KCNMA1: variants seen among roughly 807,000 people sequenced by gnomAD.
KCNMA1 encodes potassium calcium-activated channel subfamily M alpha 1.
KCNMA1 carries 29 observed loss-of-function variants against 140.0 expected under a neutral mutation model. That is an observed-to-expected ratio of 0.21 (90% CI 0.15 to 0.28). The LOEUF (loss-of-function observed/expected upper bound fraction) is 0.28. KCNMA1 is among the 10% of genes least tolerant of loss of function. KCNMA1 has a pLI of 1.00. For missense variants in KCNMA1, 880 were observed against 1,602.2 expected, an observed-to-expected ratio of 0.55 and a Z score of 7.70; for synonymous variants, 612 against 611.9, an observed-to-expected ratio of 1.00 and a Z score of 0.00.
At chr10:76,956,423 G>T (rs1254160440) in intron 20 of KCNMA1, among the ~76,000 whole-genome samples, 1 of 152,008 alleles carries the variant, frequency 6.6e-6, no homozygotes, top group Non-Finnish European at 1.5e-5. Context: ...TCCTGGCCTG[G>T]ACCATTTAAA....
intron 2 of KCNMA1, among the ~76,000 whole-genome samples, chr10:77,308,125 AAG>A (rs1236512346): frequency 6.6e-6 from 1 of 152,194 alleles, no homozygotes; most frequent in African/African-American, 2.4e-5. Flanking sequence ...CTGGGCCCAG[AAG>A]AGAGGAAAAT....
intron 12 of KCNMA1, among the ~76,000 whole-genome samples, chr10:77,081,260 A>ATTT (rs2096558569): frequency 6.6e-6 from 1 of 152,194 alleles, no homozygotes; most frequent in African/African-American, 2.4e-5. Flanking sequence ...GAGCAACAGT[A>ATTT]CCTGCTTTAT....
At chr10:77,608,767 T>C (rs139683931) in intron 1 of KCNMA1, among the ~76,000 whole-genome samples, 1 of 152,308 alleles carries the variant, frequency 6.6e-6, no homozygotes, top group Non-Finnish European at 1.5e-5. Context: ...TTAACATCTC[T>C]ATCAAAAAGA....
intron 12 of KCNMA1, among the ~76,000 whole-genome samples, chr10:77,080,977 G>C (rs2096550291): frequency 6.6e-6 from 1 of 152,110 alleles, no homozygotes; most frequent in Admixed American, 6.5e-5. Context: ...CTTAAACGCT[G>C]GTTAAAAATA....
At chr10:77,462,368 C>T (rs1426015110) in intron 1 of KCNMA1, among the ~76,000 whole-genome samples, 1 of 152,226 alleles carries the variant, frequency 6.6e-6, no homozygotes, top group South Asian at 2.1e-4. Flanking sequence ...TACATGTGCA[C>T]ACACACACTT....
In KCNMA1 at chr10:77,251,190, C is replaced by T; in HGVS notation, c.602+5G>A. 1 of 1,597,802 alleles carries T rather than the reference C, an allele frequency of 6.3e-7. No homozygotes were observed. Among genetic ancestry groups the T allele is most frequent in the Non-Finnish European group, 8.6e-7 (1 of 1,165,328 alleles). ...GAGGGCAAGAAAGTATATTTGAATA[C>T]TCACTTTGATGAATCTATGAAGTAT... On this transcript the variant is annotated splice_donor_5th_base_variant and intron_variant, in intron 3 of 27. Coordinates refer to ENST00000286628, the MANE Select transcript of KCNMA1 (RefSeq NM_001161352.2).
chr10:76,955,922 C>T lies in KCNMA1; in HGVS notation c.2361-1998G>A, dbSNP rs142974341. Among the ~76,000 whole-genome samples, 6 of 152,184 alleles carry T rather than the reference C, an allele frequency of 3.9e-5. No homozygotes were observed. The East Asian group carries it at 9.7e-4, about 25-fold the overall frequency. On this transcript the variant is annotated intron_variant, in intron 20 of 27. Transcript: ENST00000286628. ...GCAGACTTGCCCTGAAGATATAGAG[C>T]CAGGTTCAAATTCTCTTGCCCTGTT...
chr10:77,465,883 G>A lies in KCNMA1; in HGVS notation c.379-61860C>T, dbSNP rs372425854. Reference sequence around the variant, plus strand: ...GTCTAGATGTGTGACGCTTCCCGGGGCTGGGCAGTCCACAACCTGCCTCAG... The same window carrying A: ...GTCTAGATGTGTGACGCTTCCCGGGACTGGGCAGTCCACAACCTGCCTCAG... On this transcript the variant is annotated intron_variant, in intron 1 of 27. Transcript: ENST00000286628. Among the ~76,000 whole-genome samples, 8 of 152,172 alleles carry A rather than the reference G, an allele frequency of 5.3e-5. No homozygotes were observed. The East Asian group carries it at 9.6e-4, about 18-fold the overall frequency.
Position 76,945,585 on chromosome 10 carries a change from A to G in KCNMA1, c.2710-620T>C, listed in dbSNP as rs140345202. Among the ~76,000 whole-genome samples the G allele has an allele frequency of 1.3e-3, 196 of 152,288 alleles. 2 individuals carry two copies. The highest frequency in any genetic ancestry group is 4.3e-3 in the African/African-American group (178 of 41,566). On this transcript the variant is annotated intron_variant, in intron 22 of 27. Transcript: ENST00000286628. ...TTCAGATCATATAATTTTATTGCAT[A>G]TTTTCAGCAAGAAAAAAATACACAG...
At chr10:77,277,646 C>T (rs1006966502) in intron 2 of KCNMA1, among the ~76,000 whole-genome samples, 5 of 152,216 alleles carry the variant, frequency 3.3e-5, no homozygotes, top group African/African-American at 1.2e-4. Context: ...AATCACCAAT[C>T]ACTTCTCCAT....
chr10:77,472,871 G>T (rs560391064), intron 1 of KCNMA1, among the ~76,000 whole-genome samples: 107 of 152,318 alleles, frequency 7.0e-4, no homozygotes, highest in African/African-American at 2.5e-3. Flanking sequence ...GAAGACATTA[G>T]CTCAAGGGCT....
chr10:76,915,866 C>T (rs1173564809), intron 23 of KCNMA1, among the ~76,000 whole-genome samples: 1 of 151,928 alleles, frequency 6.6e-6, no homozygotes, highest in Non-Finnish European at 1.5e-5. Flanking sequence ...GCCTGTAGTG[C>T]CAGGAACTGA....
At chr10:77,456,358 T>C (rs937860198) in intron 1 of KCNMA1, among the ~76,000 whole-genome samples, 1 of 152,174 alleles carries the variant, frequency 6.6e-6, no homozygotes, top group Non-Finnish European at 1.5e-5. Flanking sequence ...GAGAGAAACC[T>C]TTCCCATCAA....
In KCNMA1 at chr10:77,027,806, G is replaced by A; in HGVS notation, c.1928+17C>T. On this transcript the variant is annotated intron_variant, in intron 16 of 27. Transcript: ENST00000286628. Reference sequence around the variant, plus strand: ...CATCAAAAGTGTCAGCTGGCTGCTGGGTCACCGCAAACTTACCGGCTCTCT... The same window carrying A: ...CATCAAAAGTGTCAGCTGGCTGCTGAGTCACCGCAAACTTACCGGCTCTCT... The A allele has an allele frequency of 6.2e-7, 1 of 1,611,056 alleles. No individual in the cohort carries two copies. Among genetic ancestry groups the A allele is most frequent in the Non-Finnish European group, 8.5e-7 (1 of 1,177,362 alleles).
At chr10:77,296,769 A>T (rs551928489) in intron 2 of KCNMA1, among the ~76,000 whole-genome samples, 138 of 152,152 alleles carry the variant, frequency 9.1e-4, no homozygotes, top group Non-Finnish European at 1.1e-3. Flanking sequence ...CTCTTCACAG[A>T]ATGCTATCTC....
intron 3 of KCNMA1, among the ~76,000 whole-genome samples, chr10:77,210,366 C>G (rs1411273633): frequency 6.6e-6 from 1 of 152,146 alleles, no homozygotes; most frequent in Non-Finnish European, 1.5e-5. Context: ...ATCTAACATC[C>G]CTTCATGATA....
At chr10:77,240,383 T>C (rs1459590881) in intron 3 of KCNMA1, among the ~76,000 whole-genome samples, 1 of 152,150 alleles carries the variant, frequency 6.6e-6, no homozygotes, top group Non-Finnish European at 1.5e-5. Flanking sequence ...ATGTGTTAGA[T>C]GGCAAACGAC....
At chr10:77,363,944 T>A (rs1260888790) in intron 2 of KCNMA1, among the ~76,000 whole-genome samples, 1 of 152,186 alleles carries the variant, frequency 6.6e-6, no homozygotes, top group Non-Finnish European at 1.5e-5. Flanking sequence ...TTTGTGTTTA[T>A]TGTCCTCGCT....
At chr10:77,276,664 C>T (rs1305520671) in intron 2 of KCNMA1, among the ~76,000 whole-genome samples, 1 of 152,106 alleles carries the variant, frequency 6.6e-6, no homozygotes, top group African/African-American at 2.4e-5. Context: ...CCAGTAACTA[C>T]CCTGAACCAG....
Sources: gnomAD v4.1 joint callset for allele counts (sites outside exome capture counted in the v4.1 genomes callset) on GRCh38, gnomAD v4.1.1 for gene constraint, MANE v1.5 for transcripts, NCBI Gene and HGNC (gene_info 2026-07-23, HGNC 2026-07-21) for gene names.